The following AGBL4 variants were observed in gnomAD, a reference collection of about 807,000 sequenced individuals.
AGBL4 encodes cytosolic carboxypeptidase 6.
In AGBL4, 58 loss-of-function variants were observed where a neutral mutation model predicts 66.4. The observed-to-expected ratio is 0.87, with a 90% CI of 0.71 to 1.09. The LOEUF is 1.09. Among genes scored for constraint, AGBL4 ranks in the 50% least tolerant of loss-of-function variants. The probability of loss-of-function intolerance (pLI) is 0.00; values close to 1 mark genes in which losing one functional copy is unlikely to be tolerated. For synonymous variants in AGBL4, 234 were observed against 222.9 expected, an observed-to-expected ratio of 1.05 and a Z score of -0.44; for missense variants, 579 against 631.0, an observed-to-expected ratio of 0.92 and a Z score of 0.88.
At chr1:49,030,530 G>A (rs1195388707) in intron 5 of AGBL4, among the ~76,000 whole-genome samples, 1 of 152,102 alleles carries the variant, frequency 6.6e-6, no homozygotes, top group African/African-American at 2.4e-5. Flanking sequence ...ATTACCAGCT[G>A]ACCTCTGTCT....
At chr1:49,331,125 A>G (rs113218918) in intron 3 of AGBL4, among the ~76,000 whole-genome samples, 12,218 of 152,130 alleles carry the variant, frequency 0.08, 684 homozygotes, top group African/African-American at 0.16. Context: ...AGCTGTGTGG[A>G]GTCTCGGCAG....
At chr1:49,048,992 C>G (rs533267443) in intron 4 of AGBL4, among the ~76,000 whole-genome samples, 1 of 152,202 alleles carries the variant, frequency 6.6e-6, no homozygotes, top group African/African-American at 2.4e-5. Flanking sequence ...TTATAGTACT[C>G]TCTTGCTAAA....
chr1:49,738,390 G>T (rs934342108), intron 2 of AGBL4, among the ~76,000 whole-genome samples: 5 of 152,222 alleles, frequency 3.3e-5, no homozygotes, highest in Admixed American at 3.3e-4. Flanking sequence ...GCTTGAGCAG[G>T]TAAACAAAAT....
At chr1:49,518,112 C>T (rs996785466) in intron 3 of AGBL4, among the ~76,000 whole-genome samples, 9 of 152,062 alleles carry the variant, frequency 5.9e-5, no homozygotes, top group African/African-American at 1.7e-4. Flanking sequence ...GGAAGCCAGA[C>T]AACTGAACAG....
At chr1:49,839,260 A>C (rs1028114260) in intron 2 of AGBL4, among the ~76,000 whole-genome samples, 7 of 152,238 alleles carry the variant, frequency 4.6e-5, no homozygotes, top group Non-Finnish European at 8.8e-5. Context: ...TTATAATAGA[A>C]GTTCAGATTT....
intron 3 of AGBL4, among the ~76,000 whole-genome samples, chr1:49,557,006 C>T (rs567618402): frequency 6.6e-6 from 1 of 152,084 alleles, no homozygotes; most frequent in Non-Finnish European, 1.5e-5. Context: ...GCTCAGAGTG[C>T]GGGGCTGCCC....
At chr1:49,058,967 G>C (rs11205594) in intron 4 of AGBL4, among the ~76,000 whole-genome samples, 102,563 of 151,606 alleles carry the variant, frequency 0.68, 35,203 homozygotes, top group African/African-American at 0.75. Flanking sequence ...AAGAAGAGCA[G>C]AAAAGTTTGG....
chr1:49,474,258 G>A (rs916702620), intron 3 of AGBL4, among the ~76,000 whole-genome samples: 2 of 151,990 alleles, frequency 1.3e-5, no homozygotes, highest in African/African-American at 4.8e-5. Flanking sequence ...TCCAACCTAT[G>A]TATGTGGAAT....
At chr1:49,423,808 C>G (rs1222375200) in intron 3 of AGBL4, among the ~76,000 whole-genome samples, 10 of 15,126 alleles carry the variant, frequency 6.6e-4, no homozygotes, top group Admixed American at 1.5e-3. Context: ...TAAGACTCGG[C>G]CAAAAAAAAA....
chr1:49,263,299 G>T (rs1309069424), intron 3 of AGBL4, among the ~76,000 whole-genome samples: 1 of 151,824 alleles, frequency 6.6e-6, no homozygotes, highest in East Asian at 1.9e-4. Context: ...AAAACTTAAA[G>T]TATAATAATA....
chr1:48,538,165 A>G (rs1487553103), intron 12 of AGBL4, among the ~76,000 whole-genome samples: 2 of 152,188 alleles, frequency 1.3e-5, no homozygotes, highest in East Asian at 1.9e-4. Flanking sequence ...ACTCTATGAC[A>G]TGGGGCTAAG....
intron 3 of AGBL4, among the ~76,000 whole-genome samples, chr1:49,382,197 A>G (rs1644632120): frequency 1.3e-5 from 2 of 152,114 alleles, no homozygotes; most frequent in South Asian, 4.1e-4. Flanking sequence ...GATGCAAAAT[A>G]GTAATAATAA....
At chr1:49,128,569 T>G (rs1324584824) in intron 4 of AGBL4, among the ~76,000 whole-genome samples, 2 of 152,124 alleles carry the variant, frequency 1.3e-5, no homozygotes, top group East Asian at 3.9e-4. Context: ...AGAAACAGAA[T>G]GTGGTCAATT....
intron 4 of AGBL4, among the ~76,000 whole-genome samples, chr1:49,148,723 T>C (rs1646268396): frequency 6.6e-6 from 1 of 152,150 alleles, no homozygotes; most frequent in South Asian, 2.1e-4. Flanking sequence ...GCAGTGACAA[T>C]TGGGCAGGGC....
intron 4 of AGBL4, among the ~76,000 whole-genome samples, chr1:49,083,273 C>T (rs1461584064): frequency 1.3e-5 from 2 of 152,208 alleles, no homozygotes; most frequent in African/African-American, 4.8e-5. Flanking sequence ...GGGACTCCAA[C>T]CCCACATTTC....
intron 3 of AGBL4, among the ~76,000 whole-genome samples, chr1:49,540,080 A>T (rs1490344121): frequency 6.6e-6 from 1 of 152,202 alleles, no homozygotes; most frequent in Non-Finnish European, 1.5e-5. Context: ...AGCAAACCAC[A>T]TTATAAGAAA....
intron 5 of AGBL4, among the ~76,000 whole-genome samples, chr1:48,953,294 T>A (rs1012663522): frequency 6.6e-6 from 1 of 152,158 alleles, no homozygotes; most frequent in Admixed American, 6.5e-5. Context: ...ATGCTACAGT[T>A]AACACTACTG....
chr1:48,580,674 C>CTCTA (rs1315906619), intron 11 of AGBL4, among the ~76,000 whole-genome samples: 2 of 152,160 alleles, frequency 1.3e-5, no homozygotes, highest in East Asian at 3.8e-4. Context: ...GATCTATAAT[C>CTCTA]TCTATCTATC....
chr1:48,910,096 G>T (rs929573955), intron 5 of AGBL4, among the ~76,000 whole-genome samples: 4 of 152,164 alleles, frequency 2.6e-5, no homozygotes, highest in Admixed American at 2.0e-4. Context: ...CTTCCTTAAT[G>T]AATCTGAATT....
Sources: gnomAD v4.1 joint callset for allele counts (sites outside exome capture counted in the v4.1 genomes callset) on GRCh38, gnomAD v4.1.1 for gene constraint, MANE v1.5 for transcripts, NCBI Gene and HGNC (gene_info 2026-07-23, HGNC 2026-07-21) for gene names.